SSH2: variants seen among roughly 807,000 people sequenced by gnomAD.
The protein encoded by SSH2 is protein phosphatase Slingshot homolog 2.
Under a neutral mutation model 135.2 loss-of-function variants are expected in SSH2, and 37 were observed. The ratio of observed to expected loss-of-function variants is 0.27; its 90% CI spans 0.21 to 0.36. The LOEUF (loss-of-function observed/expected upper bound fraction) is 0.36, where lower values mean the gene tolerates loss of function less well. Ranked by LOEUF, SSH2 falls within the 10% of genes least tolerant of loss-of-function variation. SSH2 has a pLI of 1.00. For synonymous variants in SSH2, 628 were observed against 646.2 expected (o/e 0.97, Z 0.43); for missense variants, 1,408 against 1,765.3 (o/e 0.80, Z 3.63).
chr17:29,918,345 A>C (rs1214114701), intron 1 of SSH2, among the ~76,000 whole-genome samples: 10 of 152,118 alleles, frequency 6.6e-5, no homozygotes, highest in Non-Finnish European at 7.4e-5. Flanking sequence ...CCTCCCTGAG[A>C]CTCAGTTTCT....
chr17:29,905,094 T>C (rs1455570952), intron 1 of SSH2, among the ~76,000 whole-genome samples: 1 of 152,134 alleles, frequency 6.6e-6, no homozygotes, highest in African/African-American at 2.4e-5. Context: ...GATTCAATGC[T>C]ACACCCACTA....
rs778651412 is a variant in SSH2 at position 29,655,552 on chromosome 17, T to C, written c.1079+9A>G. 2 of 1,614,028 alleles carry C rather than the reference T, an allele frequency of 1.2e-6. 1 individual carries two copies. Among genetic ancestry groups the C allele is most frequent in the Non-Finnish European group, 1.7e-6 (2 of 1,179,882 alleles). On this transcript the variant is annotated intron_variant, in intron 12 of 15. Transcript: ENST00000540801. ...CACAGGGGTGCCAGCTATTGCTTTG[T>C]GTGCTTACCCTCGGTTCTGTAAGTC... is the stretch of plus-strand genomic sequence containing the variant.
intron 2 of SSH2, among the ~76,000 whole-genome samples, chr17:29,798,996 A>G (rs1453336822): frequency 2.6e-5 from 4 of 152,148 alleles, no homozygotes; most frequent in Non-Finnish European, 4.4e-5. Flanking sequence ...ATTCTTAAAC[A>G]ATGTATTACT....
chr17:29,733,045 C>A (rs1466930935), intron 3 of SSH2, among the ~76,000 whole-genome samples: 1 of 152,194 alleles, frequency 6.6e-6, no homozygotes, highest in African/African-American at 2.4e-5. Context: ...AGGTTTTCAA[C>A]CTGGGAATCA....
intron 3 of SSH2, chr17:29,761,490 T>A (rs1177139235): frequency 4.1e-6 from 4 of 969,374 alleles, no homozygotes; most frequent in Non-Finnish European, 4.9e-6. Flanking sequence ...GGGCGGGTCC[T>A]GAGAGCGGAG....
chr17:29,776,145 AAGT>A (rs1567966762), intron 3 of SSH2: 2 of 152,206 alleles, frequency 1.3e-5, no homozygotes, highest in African/African-American at 4.8e-5. Flanking sequence ...CAAGTAAATA[AAGT>A]AAGAACTTGT....
intron 2 of SSH2, among the ~76,000 whole-genome samples, chr17:29,818,382 G>A (rs2042596054): frequency 6.6e-6 from 1 of 151,796 alleles, no homozygotes; most frequent in South Asian, 2.1e-4. Context: ...CCGAGTAGCT[G>A]GGACTACAGG....
chr17:29,630,784 T>C lies in SSH2; in HGVS notation c.*57A>G. 1.3e-6 allele frequency: 2 copies of C among 1,482,138 alleles called. No individual in the cohort carries two copies. Among genetic ancestry groups the C allele is most frequent in the Non-Finnish European group, 9.1e-7 (1 of 1,103,684 alleles). The allele number at this position is 1,482,138 out of a possible 1,614,324, so 91.8% of individuals were successfully genotyped here. A position where few individuals can be genotyped will look rare whatever the true frequency, so the allele number is the denominator to read the frequency against. ...AATAAAGTGCATGTTCCTTACATAT[T>C]ACACCTGCCCCTTTTACAAACATTT... On this transcript the variant is annotated 3_prime_UTR_variant, in exon 16 of 16. Coordinates refer to ENST00000540801, the MANE Select transcript of SSH2 (RefSeq NM_001282129.2).
chr17:29,643,999 T>A (rs940064445), intron 14 of SSH2, among the ~76,000 whole-genome samples: 2 of 152,220 alleles, frequency 1.3e-5, no homozygotes, highest in African/African-American at 4.8e-5. Flanking sequence ...ACCAAGCTGT[T>A]AACTAAGGAA....
chr17:29,638,826 A>G (rs1314329413), intron 14 of SSH2, among the ~76,000 whole-genome samples: 1 of 152,006 alleles, frequency 6.6e-6, no homozygotes, highest in African/African-American at 2.4e-5. Context: ...GGATTATTGG[A>G]GTGAGCCACC....
intron 2 of SSH2, among the ~76,000 whole-genome samples, chr17:29,848,141 T>C (rs768950248): frequency 6.6e-6 from 1 of 152,202 alleles, no homozygotes; most frequent in Non-Finnish European, 1.5e-5. Context: ...GCATCACTAC[T>C]AGGCCATTCA....
chr17:29,720,777 GA>G (rs1486048313), intron 3 of SSH2, among the ~76,000 whole-genome samples: 1 of 151,830 alleles, frequency 6.6e-6, no homozygotes, highest in Admixed American at 6.6e-5. Flanking sequence ...AGGAGGAAGA[GA>G]AAAAAATAGC....
intron 3 of SSH2, among the ~76,000 whole-genome samples, chr17:29,755,846 A>G (rs1166839165): frequency 6.6e-6 from 1 of 150,818 alleles, no homozygotes; most frequent in Non-Finnish European, 1.5e-5. Context: ...TGTTTTTAGT[A>G]GAGACGGGGT....
At position 29,858,084 on chromosome 17, in the gene SSH2, T is replaced by C. The variant is rs931715812; in HGVS notation, c.64-9155A>G. ...TTTCCTTCCTAAGTCTGAATAATAT[T>C]CTATTGCACACATATGGCATTTTGT... On this transcript the variant is annotated intron_variant, in intron 1 of 15. Transcript: ENST00000540801. Among the ~76,000 whole-genome samples the C allele has an allele frequency of 2.0e-5, 3 of 152,192 alleles. No individual in the cohort carries two copies. The East Asian group carries it at 5.8e-4, about 29-fold the overall frequency.
In SSH2 at chr17:29,650,758, G is replaced by A. The variant is rs1342084483; in HGVS notation, c.1122C>T (p.Phe374=). ...TATGATACTCAAAGACTCCTGGGAAGAAGTTATCTATCTCTCGAGTGACAT... is the reference window on the plus strand; with the variant it reads ...TATGATACTCAAAGACTCCTGGGAAAAAGTTATCTATCTCTCGAGTGACAT... ...ILNVTREIDN[F]FPGVFEYHNI... The change falls in exon 13 of 16, where the codon TTC becomes TTT. Residue 374 remains phenylalanine, a synonymous_variant. Transcript: ENST00000540801. 6.2e-7 allele frequency: 1 copy of A among 1,613,858 alleles called. No homozygotes were observed. Among genetic ancestry groups the A allele is most frequent in the East Asian group, 2.2e-5 (1 of 44,862 alleles).
chr17:29,736,786 C>CAAAA (rs1194959594), intron 3 of SSH2, among the ~76,000 whole-genome samples: 1,131 of 10,212 alleles, frequency 0.11, 323 homozygotes, highest in Non-Finnish European at 0.13. Context: ...GACTCTGTCT[C>CAAAA]AAAAAAAAAA....
intron 1 of SSH2, among the ~76,000 whole-genome samples, chr17:29,920,773 A>T (rs1164354875): frequency 6.6e-6 from 1 of 152,176 alleles, no homozygotes; most frequent in Non-Finnish European, 1.5e-5. Context: ...TATTGACGGA[A>T]AAGTGAACTA....
intron 2 of SSH2, among the ~76,000 whole-genome samples, chr17:29,848,308 A>G (rs2065482550): frequency 6.6e-6 from 1 of 152,236 alleles, no homozygotes; most frequent in Non-Finnish European, 1.5e-5. Context: ...AGTAAAATTT[A>G]TAACATCCCA....
chr17:29,802,454 C>A (rs1238945857), intron 2 of SSH2, among the ~76,000 whole-genome samples: 2 of 151,600 alleles, frequency 1.3e-5, no homozygotes, highest in Non-Finnish European at 2.9e-5. Flanking sequence ...AATTTTTTGG[C>A]CGGGCTTGAA....
Sources: gnomAD v4.1 joint callset for allele counts (sites outside exome capture counted in the v4.1 genomes callset) on GRCh38, gnomAD v4.1.1 for gene constraint, MANE v1.5 for transcripts, NCBI Gene and HGNC (gene_info 2026-07-23, HGNC 2026-07-21) for gene names.